The following LDB2 variants were observed in gnomAD, a reference collection of about 807,000 sequenced individuals.
LDB2 encodes the protein LIM domain binding 2, also known as LIM domain-binding protein 2.
A neutral mutation model predicts 44.3 loss-of-function variants in LDB2; 12 were observed. The observed-to-expected ratio is 0.27, with a 90% CI of 0.17 to 0.44. The LOEUF (loss-of-function observed/expected upper bound fraction) is 0.44, where lower values mean the gene tolerates loss of function less well. Among genes scored for constraint, LDB2 ranks in the 20% least tolerant of loss-of-function variants. LDB2 has a pLI of 1.00. For synonymous variants in LDB2, 164 were observed against 174.8 expected, an observed-to-expected ratio of 0.94 and a Z score of 0.49; for missense variants, 344 against 473.5, an observed-to-expected ratio of 0.73 and a Z score of 2.54.
intron 1 of LDB2, among the ~76,000 whole-genome samples, chr4:16,883,508 C>A (rs925248191): frequency 6.6e-6 from 1 of 152,226 alleles, no homozygotes; most frequent in African/African-American, 2.4e-5. Flanking sequence ...AAGAGCCACA[C>A]CAGATACCCG....
intron 2 of LDB2, among the ~76,000 whole-genome samples, chr4:16,727,573 T>G (rs1759799544): frequency 6.6e-6 from 1 of 152,232 alleles, no homozygotes; most frequent in South Asian, 2.1e-4. Context: ...CCCTTCTGTC[T>G]CCTGAATGAT....
At chr4:16,850,432 T>C (rs1787978703) in intron 1 of LDB2, among the ~76,000 whole-genome samples, 1 of 152,192 alleles carries the variant, frequency 6.6e-6, no homozygotes, top group Non-Finnish European at 1.5e-5. Context: ...AGTAAATTTA[T>C]GCATGGAAAA....
At chr4:16,751,175 G>A (rs756778470) in intron 2 of LDB2, among the ~76,000 whole-genome samples, 1 of 152,158 alleles carries the variant, frequency 6.6e-6, no homozygotes, top group Admixed American at 6.5e-5. Flanking sequence ...GATATGACTT[G>A]CATTTAAGCC....
chr4:16,792,036 G>A (rs186364600), intron 1 of LDB2, among the ~76,000 whole-genome samples: 1 of 152,310 alleles, frequency 6.6e-6, no homozygotes, highest in Non-Finnish European at 1.5e-5. Flanking sequence ...GAGTTGAACA[G>A]TCTCATAATC....
intron 2 of LDB2, among the ~76,000 whole-genome samples, chr4:16,666,785 A>G (rs1414190881): frequency 1.3e-5 from 2 of 152,224 alleles, no homozygotes; most frequent in Non-Finnish European, 2.9e-5. Flanking sequence ...CCAGTCCAAA[A>G]GTGACAGTGC....
intron 1 of LDB2, among the ~76,000 whole-genome samples, chr4:16,841,542 G>C (rs1268478959): frequency 6.6e-6 from 1 of 152,192 alleles, no homozygotes; most frequent in Non-Finnish European, 1.5e-5. Context: ...GCCTTCAAAT[G>C]AGAACATTAC....
intron 5 of LDB2, among the ~76,000 whole-genome samples, chr4:16,576,147 T>G (rs976748814): frequency 3.3e-5 from 5 of 151,980 alleles, no homozygotes; most frequent in Non-Finnish European, 7.4e-5. Flanking sequence ...GAAGAACAAC[T>G]TCAAATAAAC....
rs564182393 is a variant in LDB2 at position 16,682,228 on chromosome 4, A to C, written c.235+76930T>G. 4.4e-4 allele frequency among the ~76,000 whole-genome samples: 67 copies of C among 152,274 alleles called. 1 individual carries two copies. The South Asian group carries it at 0.014, about 31-fold the overall frequency. On this transcript the variant is annotated intron_variant, in intron 2 of 7. Coordinates refer to ENST00000304523, the MANE Select transcript of LDB2 (RefSeq NM_001290.5). ...GGGAAAAAGCAAAGCCTTAGAAACA[A>C]GTCAAAAAGTAACTAGTTAAAATTT...
chr4:16,588,675 A>G (rs1276074187), intron 4 of LDB2, 35 bp downstream of exon 4: 2 of 1,606,312 alleles, frequency 1.2e-6, no homozygotes, highest in African/African-American at 2.7e-5. Flanking sequence ...AGGAAAAAAA[A>G]GAAAAGAAAG....
intron 5 of LDB2, among the ~76,000 whole-genome samples, chr4:16,579,872 T>C (rs1160921694): frequency 6.6e-6 from 1 of 152,200 alleles, no homozygotes; most frequent in Non-Finnish European, 1.5e-5. Flanking sequence ...GCTCAGAGTC[T>C]AGTTCAGGAG....
At chr4:16,714,374 C>T (rs763209088) in intron 2 of LDB2, among the ~76,000 whole-genome samples, 2 of 152,216 alleles carry the variant, frequency 1.3e-5, no homozygotes, top group Middle Eastern at 3.2e-3. Flanking sequence ...CTGGCCTGGG[C>T]AGCCACAGCT....
At chr4:16,800,790 T>C (rs1307183805) in intron 1 of LDB2, among the ~76,000 whole-genome samples, 1 of 152,230 alleles carries the variant, frequency 6.6e-6, no homozygotes, top group Non-Finnish European at 1.5e-5. Flanking sequence ...TTCTCCTGCC[T>C]CAGCCTCCCA....
intron 1 of LDB2, among the ~76,000 whole-genome samples, chr4:16,811,756 C>G (rs765201598): frequency 1.3e-5 from 2 of 152,156 alleles, no homozygotes; most frequent in Non-Finnish European, 2.9e-5. Flanking sequence ...GGGAAGACTA[C>G]TATAAAAATG....
chr4:16,621,431 G>C (rs1475248696), intron 2 of LDB2, among the ~76,000 whole-genome samples: 2 of 152,206 alleles, frequency 1.3e-5, no homozygotes, highest in East Asian at 3.9e-4. Context: ...GATAGAAGAT[G>C]TGTGTCGAGA....
chr4:16,830,899 G>A (rs956573134), intron 1 of LDB2, among the ~76,000 whole-genome samples: 1 of 152,180 alleles, frequency 6.6e-6, no homozygotes, highest in East Asian at 1.9e-4. Flanking sequence ...CTGCAGGGTT[G>A]AGAATAAGGG....
At chr4:16,623,979 C>T (rs1272271891) in intron 2 of LDB2, among the ~76,000 whole-genome samples, 2 of 152,150 alleles carry the variant, frequency 1.3e-5, no homozygotes, top group East Asian at 1.9e-4. Context: ...ATATGCTGTT[C>T]GCAACAGCCT....
intron 1 of LDB2, among the ~76,000 whole-genome samples, chr4:16,888,145 G>A (rs746932567): frequency 5.3e-5 from 8 of 152,184 alleles, no homozygotes; most frequent in Admixed American, 6.5e-5. Context: ...AGTCTGTGCT[G>A]GGCTGCATAT....
intron 2 of LDB2, among the ~76,000 whole-genome samples, chr4:16,740,941 G>A (rs184794633): frequency 1.3e-5 from 2 of 152,320 alleles, no homozygotes; most frequent in Admixed American, 1.3e-4. Context: ...GAAGTGTATG[G>A]CTAGGAAAGA....
At chr4:16,646,040 C>A (rs1736709470) in intron 2 of LDB2, among the ~76,000 whole-genome samples, 1 of 152,158 alleles carries the variant, frequency 6.6e-6, no homozygotes, top group Admixed American at 6.5e-5. Context: ...TCCTTTGACG[C>A]TCTTTATACC....
Sources: allele counts gnomAD v4.1 joint callset (sites outside exome capture counted in the v4.1 genomes callset), GRCh38; gene constraint gnomAD v4.1.1; transcripts MANE v1.5; gene names NCBI Gene and HGNC (gene_info 2026-07-23, HGNC 2026-07-21).